TENM3: variants seen among roughly 807,000 people sequenced by gnomAD.
The protein encoded by TENM3 is teneurin transmembrane protein 3, also known as teneurin-3.
In TENM3, 63 loss-of-function variants were observed where a neutral mutation model predicts 255.1. The observed-to-expected ratio is 0.25, with a 90% confidence interval of 0.20 to 0.30. The LOEUF is 0.30. Ranked by LOEUF, TENM3 falls within the 10% of genes least tolerant of loss-of-function variation. The pLI is 1.00. For synonymous variants in TENM3, 1,306 were observed against 1,322.3 expected, an observed-to-expected ratio of 0.99 and a Z score of 0.27; for missense variants, 2,929 against 3,461.1, an observed-to-expected ratio of 0.85 and a Z score of 3.86.
chr4:182,094,777 A>G, the TENM3 span, among the ~76,000 whole-genome samples: 1 of 152,148 alleles, frequency 6.6e-6, no homozygotes, highest in Non-Finnish European at 1.5e-5. Context: ...ATAATAGTTG[A>G]AAGAGCAACA....
the TENM3 span, among the ~76,000 whole-genome samples, chr4:181,807,700 C>T: frequency 6.6e-6 from 1 of 152,156 alleles, no homozygotes; most frequent in Non-Finnish European, 1.5e-5. Flanking sequence ...GATTATTTTT[C>T]TTTCATAATC....
chr4:182,383,421 G>C (rs1196009416), intron 3 of TENM3, among the ~76,000 whole-genome samples: 1 of 152,106 alleles, frequency 6.6e-6, no homozygotes, highest in Non-Finnish European at 1.5e-5. Flanking sequence ...GTCAAGGAGA[G>C]AGTCTTTGTC....
At chr4:182,405,608 G>A (rs1435330373) in intron 3 of TENM3, among the ~76,000 whole-genome samples, 3 of 152,212 alleles carry the variant, frequency 2.0e-5, no homozygotes, top group African/African-American at 7.2e-5. Flanking sequence ...GCTGTGTCAA[G>A]CTAGGTCCTA....
chr4:182,490,021 T>C (rs1735135702), intron 3 of TENM3, among the ~76,000 whole-genome samples: 3 of 152,168 alleles, frequency 2.0e-5, no homozygotes, highest in Admixed American at 2.0e-4. Context: ...GACCAAATTC[T>C]GTTGGAGAAA....
intron 4 of TENM3, among the ~76,000 whole-genome samples, chr4:182,612,962 C>T (rs1219225573): frequency 6.6e-6 from 1 of 152,172 alleles, no homozygotes; most frequent in Non-Finnish European, 1.5e-5. Context: ...CCATGAACAA[C>T]TCTCAACTCT....
chr4:181,568,902 T>G, the TENM3 span, among the ~76,000 whole-genome samples: 3 of 152,308 alleles, frequency 2.0e-5, no homozygotes, highest in East Asian at 5.8e-4. Flanking sequence ...AATGAGAGAC[T>G]TCCACTCCCC....
At chr4:181,821,372 A>G in the TENM3 span, among the ~76,000 whole-genome samples, 1 of 152,194 alleles carries the variant, frequency 6.6e-6, no homozygotes, top group Non-Finnish European at 1.5e-5. Context: ...GTTTTGTCAC[A>G]GTTCTCATCT....
the TENM3 span, among the ~76,000 whole-genome samples, chr4:182,126,776 C>T: frequency 6.6e-6 from 1 of 152,206 alleles, no homozygotes; most frequent in African/African-American, 2.4e-5. Flanking sequence ...AAAACTTTGT[C>T]TGGCTGACTA....
At chr4:182,463,110 TC>T (rs1410470667) in intron 3 of TENM3, among the ~76,000 whole-genome samples, 1 of 152,084 alleles carries the variant, frequency 6.6e-6, no homozygotes, top group Non-Finnish European at 1.5e-5. Context: ...GTGTACATGG[TC>T]CCAGCTGGTT....
the TENM3 span, among the ~76,000 whole-genome samples, chr4:181,787,597 C>T: frequency 6.6e-6 from 1 of 152,118 alleles, no homozygotes; most frequent in Admixed American, 6.5e-5. Flanking sequence ...ACCTCTGCCT[C>T]CCAAAGTGCT....
At chr4:182,346,605 C>T (rs766639415) in intron 2 of TENM3, 46 bp from the exon 3 acceptor site, 21 of 1,445,394 alleles carry the variant, frequency 1.5e-5, no homozygotes, top group Non-Finnish European at 2.0e-5. Context: ...GAAACTAACA[C>T]TGAACATATA....
intron 3 of TENM3, among the ~76,000 whole-genome samples, chr4:182,499,096 G>A (rs1736079133): frequency 6.6e-6 from 1 of 152,132 alleles, no homozygotes; most frequent in South Asian, 2.1e-4. Flanking sequence ...TGCACAGTTT[G>A]TGGTCATTCA....
chr4:182,720,040 TGAAA>T (rs1285351607), intron 13 of TENM3, among the ~76,000 whole-genome samples: 3 of 151,780 alleles, frequency 2.0e-5, no homozygotes, highest in Admixed American at 2.0e-4. Context: ...CCAGGCTGGA[TGAAA>T]GAGTGAGACC....
At chr4:182,650,889 A>AAAAAAAAAATATATATATATAT (rs1281790163) in intron 5 of TENM3, among the ~76,000 whole-genome samples, 8 of 29,752 alleles carry the variant, frequency 2.7e-4, no homozygotes, top group Non-Finnish European at 3.4e-4. Context: ...AATAAAAAAA[A>AAAAAAAAAATATATATATATAT]ATATATATAT....
intron 1 of TENM3, among the ~76,000 whole-genome samples, chr4:182,221,505 C>T (rs943711901): frequency 8.5e-5 from 13 of 152,208 alleles, no homozygotes; most frequent in Non-Finnish European, 1.6e-4. Context: ...GAGCTGAAAT[C>T]ATGATGATGC....
the TENM3 span, among the ~76,000 whole-genome samples, chr4:181,846,217 A>G: frequency 0.011 from 1,734 of 152,318 alleles, 46 homozygotes; most frequent in African/African-American, 0.039. Flanking sequence ...GAGTTTGTCT[A>G]TAAATAATAA....
chr4:182,774,524 G>C (rs936459704), intron 23 of TENM3, among the ~76,000 whole-genome samples: 2 of 152,170 alleles, frequency 1.3e-5, no homozygotes, highest in Non-Finnish European at 2.9e-5. Flanking sequence ...AAGATGCAGG[G>C]ATTGGGTGCA....
the TENM3 span, among the ~76,000 whole-genome samples, chr4:181,856,351 C>A: frequency 6.6e-6 from 1 of 152,080 alleles, no homozygotes; most frequent in African/African-American, 2.4e-5. Context: ...CCTCGGTATT[C>A]CCCCCGGCTT....
chr4:181,609,124 G>T, the TENM3 span, among the ~76,000 whole-genome samples: 4 of 152,192 alleles, frequency 2.6e-5, no homozygotes, highest in Non-Finnish European at 4.4e-5. Flanking sequence ...GTAGGGTAGG[G>T]AGTAAGGCAG....
Sources: allele counts gnomAD v4.1 joint callset (sites outside exome capture counted in the v4.1 genomes callset), GRCh38; gene constraint gnomAD v4.1.1; transcripts MANE v1.5; gene names NCBI Gene and HGNC (gene_info 2026-07-23, HGNC 2026-07-21).